The following SMG1 variants were observed in gnomAD, a reference collection of about 807,000 sequenced individuals.
The protein encoded by SMG1 is SMG1 nonsense mediated mRNA decay associated PI3K related kinase.
A neutral mutation model predicts 419.9 loss-of-function variants in SMG1; 22 were observed. The ratio of observed to expected loss-of-function variants is 0.05; its 90% CI spans 0.04 to 0.07. The LOEUF (loss-of-function observed/expected upper bound fraction) is 0.07. Among genes scored for constraint, SMG1 ranks in the 10% least tolerant of loss-of-function variants. The pLI is 1.00. For missense variants in SMG1, 3,185 were observed against 4,342.0 expected (o/e 0.73, Z 7.49); for synonymous variants, 1,538 against 1,553.5 (o/e 0.99, Z 0.23).
At chr16:18,833,212 C>T (rs1260375617) in intron 50 of SMG1, 46 bp from the exon 51 acceptor site, 2 of 1,489,300 alleles carry the variant, frequency 1.3e-6, no homozygotes, top group Non-Finnish European at 1.8e-6. Flanking sequence ...TTGAGTTTAG[C>T]TAAGTTACAC....
intron 62 of SMG1, among the ~76,000 whole-genome samples, chr16:18,811,548 C>T (rs1280284451): frequency 6.6e-6 from 1 of 152,096 alleles, no homozygotes; most frequent in East Asian, 1.9e-4. Flanking sequence ...TAAAACAGGG[C>T]TAGGGGAAAG....
Position 18,830,263 on chromosome 16 carries a change from T to A in SMG1, c.8899A>T (p.Met2967Leu). The A allele has an allele frequency of 4.3e-6, 7 of 1,613,990 alleles. No individual in the cohort carries two copies. Among genetic ancestry groups the A allele is most frequent in the Non-Finnish European group, 5.9e-6 (7 of 1,179,874 alleles). The stretch of plus-strand genomic sequence containing the variant: ...AAAGCAGTTTCAACTTGAGCAAACA[T>A]GCCATCGAATGCTACCAAAAGCATC... ...GQMLLVAFDG[M>L]FAQVETAFSL... Residue 2967 changes from methionine (M) to leucine (L), a missense_variant, in exon 52 of 63, where the codon ATG (methionine) becomes TTG (leucine). Physicochemically the swap from Met to Leu is conservative, Grantham distance 15 (BLOSUM62 2). Coordinates refer to ENST00000446231, the MANE Select transcript of SMG1 (RefSeq NM_015092.5).
At chr16:18,918,287 CAAAG>C (rs1357786177) in intron 1 of SMG1, among the ~76,000 whole-genome samples, 5 of 151,994 alleles carry the variant, frequency 3.3e-5, no homozygotes, top group African/African-American at 1.2e-4. Context: ...AACAAACAAA[CAAAG>C]AAAAAAACAC....
intron 3 of SMG1, among the ~76,000 whole-genome samples, chr16:18,893,773 G>C (rs1231033381): frequency 6.6e-6 from 1 of 151,904 alleles, no homozygotes; most frequent in Non-Finnish European, 1.5e-5. Context: ...AAAGAAACCA[G>C]AAGGCTGGGC....
intron 61 of SMG1, 22 bp from the exon 62 acceptor site, chr16:18,811,889 C>G: frequency 6.2e-7 from 1 of 1,613,396 alleles, no homozygotes; most frequent in Non-Finnish European, 8.5e-7. Flanking sequence ...CAAAAACATA[C>G]GTAAGTCAAA....
intron 29 of SMG1, among the ~76,000 whole-genome samples, chr16:18,855,535 G>A (rs896045129): frequency 6.6e-6 from 1 of 152,076 alleles, no homozygotes; most frequent in Admixed American, 6.5e-5. Flanking sequence ...TCTAATGTCA[G>A]TCATGCCAAA....
Position 18,871,387 on chromosome 16 carries a change from A to T in SMG1, c.2279T>A (p.Phe760Tyr), listed in dbSNP as rs1236570084. ...ACTGTTGGCTAAAAGGCCTTTGCAA[A>T]ATTTATGGAAAGACGGAAGAGAGAA... ...PLFSLPSFHK[F>Y]CKGLLANTLV... Residue 760 changes from phenylalanine to tyrosine, a missense_variant, in exon 16 of 63, where the codon TTT (phenylalanine) becomes TAT (tyrosine). Transcript: ENST00000446231. 2.5e-6 allele frequency: 4 copies of T among 1,582,148 alleles called. No homozygotes were observed. Among genetic ancestry groups the T allele is most frequent in the Non-Finnish European group, 3.4e-6 (4 of 1,170,892 alleles).
At chr16:18,846,545 A>C (rs1327663184) in intron 38 of SMG1, among the ~76,000 whole-genome samples, 1 of 152,172 alleles carries the variant, frequency 6.6e-6, no homozygotes, top group African/African-American at 2.4e-5. Context: ...CAAAAAACCC[A>C]ATTAAAAAAT....
intron 35 of SMG1, 117 bp from the exon 36 acceptor site, chr16:18,849,495 A>T: frequency 1.0e-6 from 1 of 976,210 alleles, no homozygotes; most frequent in Non-Finnish European, 1.5e-6. Context: ...TACGGATTTT[A>T]AGAGTTCAAA....
chr16:18,817,017 T>C (rs1031147888), intron 57 of SMG1, among the ~76,000 whole-genome samples: 2 of 151,898 alleles, frequency 1.3e-5, no homozygotes, highest in Admixed American at 6.6e-5. Flanking sequence ...ATATCGTCTT[T>C]CTCCTCCCTT....
intron 1 of SMG1, among the ~76,000 whole-genome samples, chr16:18,903,934 C>CTTTTTTTTTTT (rs71141091): frequency 5.0e-5 from 5 of 99,854 alleles, no homozygotes; most frequent in African/African-American, 1.7e-4. Context: ...TATGTCTTGT[C>CTTTTTTTTTTT]TTTTTTTTTT....
At chr16:18,901,346 C>T (rs1251292596) in intron 1 of SMG1, among the ~76,000 whole-genome samples, 1 of 152,126 alleles carries the variant, frequency 6.6e-6, no homozygotes, top group African/African-American at 2.4e-5. Flanking sequence ...GCTGGGACCA[C>T]AGGTGCATGC....
At chr16:18,846,605 T>A (rs889303801) in intron 38 of SMG1, among the ~76,000 whole-genome samples, 7 of 152,014 alleles carry the variant, frequency 4.6e-5, no homozygotes, top group African/African-American at 1.7e-4. Context: ...AAATGGCCAA[T>A]AAACACATGA....
intron 23 of SMG1, among the ~76,000 whole-genome samples, chr16:18,865,172 G>A (rs1468440285): frequency 6.6e-6 from 1 of 152,050 alleles, no homozygotes; most frequent in Non-Finnish European, 1.5e-5. Context: ...ATTAACACAG[G>A]AAAAATTGAG....
intron 28 of SMG1, 165 bp downstream of exon 28, chr16:18,858,857 G>T: frequency 1.8e-6 from 1 of 569,186 alleles, no homozygotes; most frequent in Admixed American, 3.6e-5. Context: ...TCTGCCCCAT[G>T]TACTTCTCAA....
In SMG1 at chr16:18,858,316, C is replaced by G. The variant is rs771557734; in HGVS notation, c.4114-26G>C. The G allele has an allele frequency of 8.9e-6, 14 of 1,571,408 alleles. No individual in the cohort carries two copies. The African/African-American group carries it at 1.7e-4, about 19-fold the overall frequency. ...CTGCCAGAGAAAAACCAAAATTACT[C>G]AACATAAAACAGGCTGTTGATATGT... is the stretch of plus-strand genomic sequence containing the variant. On this transcript the variant is annotated intron_variant, in intron 28 of 62. Transcript: ENST00000446231.
intron 6 of SMG1, among the ~76,000 whole-genome samples, chr16:18,887,533 T>TTTTTTTTTA: frequency 7.0e-6 from 1 of 141,854 alleles, no homozygotes; most frequent in Non-Finnish European, 1.5e-5. Context: ...TTTTTTTTTT[T>TTTTTTTTTA]AATAGAAACA....
At chr16:18,874,103 A>G (rs2035974094) in intron 13 of SMG1, among the ~76,000 whole-genome samples, 1 of 152,052 alleles carries the variant, frequency 6.6e-6, no homozygotes, top group Non-Finnish European at 1.5e-5. Flanking sequence ...CCTCCTAAAA[A>G]CTTTATTCCC....
Position 18,812,139 on chromosome 16 carries a change from G to T in SMG1, c.10622-12C>A. ...GTTACTCCGGACTGCTACAGAGAAA[G>T]AGTTGGTGGCTCAATTTACATGTAA... On this transcript the variant is annotated splice_polypyrimidine_tract_variant and intron_variant, in intron 60 of 62. Transcript: ENST00000446231. The T allele has an allele frequency of 6.2e-7, 1 of 1,606,108 alleles. No individual in the cohort carries two copies. Among genetic ancestry groups the T allele is most frequent in the South Asian group, 1.1e-5 (1 of 89,668 alleles).
Sources: gnomAD v4.1 joint callset for allele counts (sites outside exome capture counted in the v4.1 genomes callset) on GRCh38, gnomAD v4.1.1 for gene constraint, MANE v1.5 for transcripts, NCBI Gene and HGNC (gene_info 2026-07-23, HGNC 2026-07-21) for gene names.